SH3GL3: variants seen among roughly 807,000 people sequenced by gnomAD.
SH3GL3 encodes endophilin-A3.
A neutral mutation model predicts 47.7 loss-of-function variants in SH3GL3; 33 were observed. The ratio of observed to expected loss-of-function variants is 0.69; its 90% CI spans 0.52 to 0.92. SH3GL3 has a LOEUF of 0.92. Ranked by LOEUF, SH3GL3 falls within the 40% of genes least tolerant of loss-of-function variation. SH3GL3 has a pLI of 0.00. For synonymous variants in SH3GL3, 155 were observed against 148.8 expected (o/e 1.04, Z -0.30); for missense variants, 363 against 417.8 (o/e 0.87, Z 1.14).
At chr15:83,514,141 A>G (rs1363654407) in intron 1 of SH3GL3, among the ~76,000 whole-genome samples, 1 of 152,194 alleles carries the variant, frequency 6.6e-6, no homozygotes, top group East Asian at 1.9e-4. Flanking sequence ...TTGGCATAAT[A>G]TTATGTGAAA....
intron 1 of SH3GL3, among the ~76,000 whole-genome samples, chr15:83,557,341 G>T (rs948538863): frequency 6.6e-6 from 1 of 152,200 alleles, no homozygotes; most frequent in Non-Finnish European, 1.5e-5. Flanking sequence ...ACACTGCTTG[G>T]TGTGTGGAAA....
At chr15:83,449,748 A>G (rs1056568943) in intron 1 of SH3GL3, among the ~76,000 whole-genome samples, 6 of 150,158 alleles carry the variant, frequency 4.0e-5, no homozygotes, top group African/African-American at 1.5e-4. Context: ...AGCGGAAATA[A>G]TTTATGACTT....
At chr15:83,466,977 T>G (rs2040597761) in intron 1 of SH3GL3, among the ~76,000 whole-genome samples, 1 of 152,242 alleles carries the variant, frequency 6.6e-6, no homozygotes, top group Middle Eastern at 3.2e-3. Context: ...TGCAAATGTT[T>G]TCTACCAGTT....
At chr15:83,589,730 G>T (rs904768457) in intron 8 of SH3GL3, among the ~76,000 whole-genome samples, 1 of 152,126 alleles carries the variant, frequency 6.6e-6, no homozygotes, top group Non-Finnish European at 1.5e-5. Flanking sequence ...TTGGCAGTTT[G>T]CTTTTTAAAA....
chr15:83,481,134 G>C (rs1303070316), intron 1 of SH3GL3, among the ~76,000 whole-genome samples: 1 of 152,090 alleles, frequency 6.6e-6, no homozygotes, highest in Admixed American at 6.6e-5. Context: ...AAATTAGCGG[G>C]CGTGGTGGCA....
intron 6 of SH3GL3, among the ~76,000 whole-genome samples, chr15:83,582,697 T>G (rs930489257): frequency 6.6e-6 from 1 of 152,190 alleles, no homozygotes; most frequent in African/African-American, 2.4e-5. Flanking sequence ...CATTAGGAAG[T>G]ATTGAACTTG....
chr15:83,492,160 G>C (rs1444158274), intron 1 of SH3GL3, among the ~76,000 whole-genome samples: 1 of 151,462 alleles, frequency 6.6e-6, no homozygotes, highest in African/African-American at 2.4e-5. Flanking sequence ...GCATGCGCCT[G>C]TAATCCCAGC....
intron 1 of SH3GL3, among the ~76,000 whole-genome samples, chr15:83,532,002 G>T (rs2043697046): frequency 1.3e-5 from 2 of 152,154 alleles, no homozygotes; most frequent in South Asian, 4.1e-4. Flanking sequence ...TGTACAAGTT[G>T]CTGACTTATT....
At chr15:83,474,957 G>C (rs1295968306) in intron 1 of SH3GL3, among the ~76,000 whole-genome samples, 3 of 151,972 alleles carry the variant, frequency 2.0e-5, no homozygotes, top group Admixed American at 2.0e-4. Flanking sequence ...AAATGAGGTG[G>C]AGGGAGTGCT....
At chr15:83,566,369 T>A (rs62027556) in intron 3 of SH3GL3, among the ~76,000 whole-genome samples, 26,501 of 82,040 alleles carry the variant, frequency 0.32, 2,652 homozygotes, top group African/African-American at 0.42. Flanking sequence ...AGAGAGAGTG[T>A]GTGTGTGTGT....
intron 1 of SH3GL3, among the ~76,000 whole-genome samples, chr15:83,554,248 C>T (rs979018536): frequency 1.3e-5 from 2 of 151,950 alleles, no homozygotes; most frequent in African/African-American, 2.4e-5. Flanking sequence ...AGTGCAATGG[C>T]GCGATCCCGG....
At chr15:83,541,635 A>G (rs1225511098) in intron 1 of SH3GL3, among the ~76,000 whole-genome samples, 1 of 152,040 alleles carries the variant, frequency 6.6e-6, no homozygotes, top group Non-Finnish European at 1.5e-5. Flanking sequence ...GTTATTGCCT[A>G]TCTTTTGGAT....
At chr15:83,562,594 T>C (rs967021176) in intron 2 of SH3GL3, among the ~76,000 whole-genome samples, 13 of 152,230 alleles carry the variant, frequency 8.5e-5, no homozygotes, top group Non-Finnish European at 1.9e-4. Context: ...TGCTATATGA[T>C]GAAAATCATT....
intron 1 of SH3GL3, among the ~76,000 whole-genome samples, chr15:83,475,276 G>C (rs2041042132): frequency 1.3e-5 from 2 of 151,940 alleles, no homozygotes; most frequent in African/African-American, 4.8e-5. Context: ...CCAGGAGTTC[G>C]AGACCAGCTT....
Position 83,554,764 on chromosome 15 carries a change from C to A in SH3GL3, c.46-4489C>A, listed in dbSNP as rs558666717. Among the ~76,000 whole-genome samples the A allele has an allele frequency of 7.2e-5, 11 of 152,304 alleles. No homozygotes were observed. The South Asian group carries it at 2.1e-3, about 29-fold the overall frequency. Reference sequence around the variant, plus strand: ...TCTGCTGTTGCAGAAGAGAAATCTGCTGTCAATCTTATTGTTGCTTTGGAT... The same window carrying A: ...TCTGCTGTTGCAGAAGAGAAATCTGATGTCAATCTTATTGTTGCTTTGGAT... On this transcript the variant is annotated intron_variant, in intron 1 of 8. Transcript: ENST00000427482.
chr15:83,495,488 A>C (rs1396054616), intron 1 of SH3GL3, among the ~76,000 whole-genome samples: 2 of 152,206 alleles, frequency 1.3e-5, no homozygotes, highest in Non-Finnish European at 2.9e-5. Context: ...TAATCTCAGC[A>C]TTTTGGGAGG....
chr15:83,536,384 CT>C (rs756914969), intron 1 of SH3GL3, among the ~76,000 whole-genome samples: 5 of 102,986 alleles, frequency 4.9e-5, no homozygotes, highest in South Asian at 3.1e-4. Context: ...CTGCCTTTTT[CT>C]TTTTCTTTTC....
At chr15:83,588,871 C>A in intron 8 of SH3GL3, 100 bp downstream of exon 8, 1 of 684,434 alleles carries the variant, frequency 1.5e-6, no homozygotes, top group East Asian at 2.6e-5. Context: ...ACACACAGAC[C>A]CTGGATATCT....
At position 83,559,641 on chromosome 15, in the gene SH3GL3, T is replaced by C. The variant is rs142793702; in HGVS notation, c.114+320T>C. Among the ~76,000 whole-genome samples the C allele has an allele frequency of 6.6e-3, 1,010 of 152,342 alleles. 9 individuals carry two copies. Among genetic ancestry groups the C allele is most frequent in the Middle Eastern group, 0.041 (12 of 294 alleles). ...GCCAAAGTAATTGGTAGTATATGTT[T>C]TGGAGAATCAAAATGTATTTCTGGG... On this transcript the variant is annotated intron_variant, in intron 2 of 8. Coordinates refer to ENST00000427482, the MANE Select transcript of SH3GL3 (RefSeq NM_003027.5).
Sources: gnomAD v4.1 joint callset for allele counts (sites outside exome capture counted in the v4.1 genomes callset) on GRCh38, gnomAD v4.1.1 for gene constraint, MANE v1.5 for transcripts, NCBI Gene and HGNC (gene_info 2026-07-23, HGNC 2026-07-21) for gene names.